Variants in PRPH2 observed in about 807,000 individuals in gnomAD.
The protein encoded by PRPH2 is peripherin-2.
A neutral mutation model predicts 31.3 loss-of-function variants in PRPH2; 17 were observed. The ratio of observed to expected loss-of-function variants is 0.54; its 90% CI spans 0.37 to 0.81. The LOEUF (loss-of-function observed/expected upper bound fraction) is 0.81, where lower values mean the gene tolerates loss of function less well. Among genes scored for constraint, PRPH2 ranks in the 40% least tolerant of loss-of-function variants. The pLI is 0.00. For missense variants in PRPH2, 430 were observed against 439.7 expected (o/e 0.98, Z 0.20); for synonymous variants, 165 against 184.4 (o/e 0.89, Z 0.85).
chr6:42,721,555 T>G (rs942360215), intron 1 of PRPH2, among the ~76,000 whole-genome samples, 199 bp downstream of exon 1: 5 of 152,198 alleles, frequency 3.3e-5, no homozygotes, highest in African/African-American at 4.8e-5. Flanking sequence ...GAAGTTGTCA[T>G]TTTTTATGGG....
At position 42,722,046 on chromosome 6, in the gene PRPH2, A is replaced by G. The variant is rs1177754731; in HGVS notation, c.289T>C (p.Trp97Arg). Residue 97 changes from tryptophan to arginine, a missense_variant, in exon 1 of 3, where the codon TGG becomes CGG. Physicochemically the swap from Trp to Arg is moderately radical, Grantham distance 101 (BLOSUM62 -3). Coordinates refer to ENST00000230381, the MANE Select transcript of PRPH2 (RefSeq NM_000322.5). The surrounding 1 kb of genome is among the most constrained non-coding windows in gnomAD (Gnocchi z 4.4). ...CAGATAGCCAGGTACGGCTTCAGCC[A>G]GGGCTTCCATCTGGCATACTTGGCT... ...DPAKYARWKP[W>R]LKPYLAICVL... is the part of the protein sequence containing the mutation. 4.3e-6 allele frequency: 7 copies of G among 1,614,178 alleles called. No homozygotes were observed. The highest frequency in any genetic ancestry group is 4.0e-5 in the African/African-American group (3 of 75,048).
At chr6:42,705,168 C>T (rs1042753533) in intron 1 of PRPH2, among the ~76,000 whole-genome samples, 1 of 152,212 alleles carries the variant, frequency 6.6e-6, no homozygotes, top group Non-Finnish European at 1.5e-5. Context: ...GGTGGGAGCT[C>T]CTGACTCACC....
chr6:42,704,391 C>A lies in PRPH2; in HGVS notation c.802G>T (p.Val268Phe), dbSNP rs62645936. The change falls in exon 2 of 3, where the codon GTC becomes TTC. Residue 268 changes from valine to phenylalanine, a missense_variant. Coordinates refer to ENST00000230381, the MANE Select transcript of PRPH2 (RefSeq NM_000322.5). ...YSSLMNSMGV[V>F]TLLIWLFEVT... ...TCGAAGAGCCAAATGAGGAGCGTGA[C>A]GACACCCATGGAGTTCATGAGGCTG... 5.0e-6 allele frequency: 8 copies of A among 1,609,430 alleles called. No individual in the cohort carries two copies. Among genetic ancestry groups the A allele is most frequent in the African/African-American group, 1.3e-5 (1 of 74,846 alleles).
chr6:42,712,248 A>G (rs567468880), intron 1 of PRPH2, among the ~76,000 whole-genome samples: 44 of 152,340 alleles, frequency 2.9e-4, no homozygotes, highest in Admixed American at 6.5e-4. Context: ...AGGAAACCAA[A>G]CAACCAAATG....
In PRPH2 at chr6:42,722,130, C is replaced by G. The variant is rs558060514; in HGVS notation, c.205G>C (p.Val69Leu). ...AGCGAGTTGAAGACACAGGATAGCA[C>G]CCCCATCCCTATCAATGAGTTGGGC... ...FVPNSLIGMG[V>L]LSCVFNSLAG... is the part of the protein sequence containing the mutation. Residue 69 changes from valine (V) to leucine (L), a missense_variant, in exon 1 of 3, where the codon GTG becomes CTG. Coordinates refer to ENST00000230381, the MANE Select transcript of PRPH2 (RefSeq NM_000322.5). The surrounding 1 kb of genome is among the most constrained non-coding windows in gnomAD (Gnocchi z 4.4). 17 of 1,614,124 alleles carry G rather than the reference C, an allele frequency of 1.1e-5. No individual in the cohort carries two copies. The highest frequency in any genetic ancestry group is 1.3e-5 in the Non-Finnish European group (15 of 1,180,008).
chr6:42,717,444 T>C (rs1761809574), intron 1 of PRPH2, among the ~76,000 whole-genome samples: 1 of 151,722 alleles, frequency 6.6e-6, no homozygotes, highest in Non-Finnish European at 1.5e-5. Flanking sequence ...AACCTCCCTC[T>C]CCCTGCCCTT....
intron 1 of PRPH2, among the ~76,000 whole-genome samples, chr6:42,714,431 T>A (rs1261469501): frequency 1.3e-5 from 2 of 152,222 alleles, no homozygotes; most frequent in African/African-American, 4.8e-5. Flanking sequence ...ATGCTGGTTG[T>A]CCGACTGTGA....
chr6:42,705,730 G>A (rs1423839744), intron 1 of PRPH2, among the ~76,000 whole-genome samples: 10 of 149,428 alleles, frequency 6.7e-5, no homozygotes, highest in African/African-American at 2.2e-4. Context: ...ACGAAGATGG[G>A]CAGATCTTCA....
chr6:42,707,827 G>A (rs932132497), intron 1 of PRPH2, among the ~76,000 whole-genome samples: 1 of 152,112 alleles, frequency 6.6e-6, no homozygotes, highest in South Asian at 2.1e-4. Flanking sequence ...AGAACACACT[G>A]CCCAGAGACC....
In PRPH2 at chr6:42,722,387, C is replaced by T. The variant is rs1562434511; in HGVS notation, c.-53G>A. 2 of 1,606,864 alleles carry T rather than the reference C, an allele frequency of 1.2e-6. No homozygotes were observed. The highest frequency in any genetic ancestry group is 4.5e-5 in the East Asian group (2 of 44,876). ...CCCACAGCACAGCTCCCACCCCAAA[C>T]CTTAACGAGCCCAGAGGCGGAGACT... On this transcript the variant is annotated 5_prime_UTR_variant, in exon 1 of 3. Coordinates refer to ENST00000230381, the MANE Select transcript of PRPH2 (RefSeq NM_000322.5). The surrounding 1 kb of genome is among the most constrained non-coding windows in gnomAD (Gnocchi z 4.4).
chr6:42,709,251 A>G (rs1800229669), intron 1 of PRPH2, among the ~76,000 whole-genome samples: 1 of 149,792 alleles, frequency 6.7e-6, no homozygotes, highest in Non-Finnish European at 1.5e-5. Context: ...AATCACTTGA[A>G]CCAGGGAGGT....
intron 1 of PRPH2, among the ~76,000 whole-genome samples, chr6:42,715,112 G>A (rs1330418731): frequency 6.6e-6 from 1 of 152,170 alleles, no homozygotes; most frequent in Non-Finnish European, 1.5e-5. Context: ...AGGAAGTTGA[G>A]GCAGGAGAAT....
chr6:42,708,127 G>A (rs1800203673), intron 1 of PRPH2, among the ~76,000 whole-genome samples: 1 of 152,190 alleles, frequency 6.6e-6, no homozygotes, highest in African/African-American at 2.4e-5. Context: ...TGAGCACCTG[G>A]GAGCTGACAT....
At chr6:42,703,455 C>A (rs1405921972) in intron 2 of PRPH2, among the ~76,000 whole-genome samples, 1 of 152,118 alleles carries the variant, frequency 6.6e-6, no homozygotes, top group Non-Finnish European at 1.5e-5. Context: ...TTCATGTTGC[C>A]TCCCAATAGT....
intron 1 of PRPH2, among the ~76,000 whole-genome samples, chr6:42,704,843 G>C (rs1454110855): frequency 6.6e-6 from 1 of 152,246 alleles, no homozygotes; most frequent in African/African-American, 2.4e-5. Context: ...CAAGACCCAA[G>C]TCAATAGGGA....
Position 42,712,053 on chromosome 6 carries a change from C to T in PRPH2, c.582-7442G>A, listed in dbSNP as rs185692292. 5.5e-4 allele frequency: 426 copies of T among 770,960 alleles called. 4 individuals carry two copies. In the African/African-American group the frequency reaches 7.5e-3, roughly 14 times the overall value. 47.8% of individuals were successfully genotyped at this position (770,960 alleles called of 1,614,324 possible). A position where few individuals can be genotyped will look rare whatever the true frequency, so the allele number is the denominator to read the frequency against. On this transcript the variant is annotated intron_variant, in intron 1 of 2. Transcript: ENST00000230381. ...TGTTCTTGCCACAACTGAGCCTGAT[C>T]CAACCATACCTCGACCCAGACTACT... is the stretch of plus-strand genomic sequence containing the variant.
intron 1 of PRPH2, chr6:42,711,924 C>T: frequency 1.0e-6 from 1 of 985,416 alleles, no homozygotes; most frequent in South Asian, 4.7e-5. Flanking sequence ...CACTGCAGCT[C>T]TGCTCATCCT....
rs1562424298 is a variant in PRPH2, at chr6:42,705,602, ATATAT to A, written c.582-996_582-992del. On this transcript the variant is annotated intron_variant, in intron 1 of 2. Transcript: ENST00000230381. The stretch of plus-strand genomic sequence containing the variant: ...AAAAAAAAAAAAAAAAAAAAAAAAT[ATATAT>A]ATATATATATATATATATATATATT... Among the ~76,000 whole-genome samples the A allele has an allele frequency of 1.0e-2, 117 of 11,742 alleles. 1 individual carries two copies. Among genetic ancestry groups the A allele is most frequent in the Non-Finnish European group, 0.015 (98 of 6,442 alleles). 7.7% of individuals were successfully genotyped at this position (11,742 alleles called of 152,430 possible).
intron 1 of PRPH2, among the ~76,000 whole-genome samples, chr6:42,709,793 TC>T (rs1295667597): frequency 6.6e-6 from 1 of 152,154 alleles, no homozygotes; most frequent in Non-Finnish European, 1.5e-5. Context: ...GCCAGGTGTT[TC>T]CAGGCCTGGA....
Sources: gnomAD v4.1 joint callset for allele counts (sites outside exome capture counted in the v4.1 genomes callset) on GRCh38, gnomAD v4.1.1 for gene constraint, Gnocchi (gnomAD v3.1) non-coding constraint, MANE v1.5 for transcripts, NCBI Gene and HGNC (gene_info 2026-07-23, HGNC 2026-07-21) for gene names.